SH3RF3: variants seen among roughly 807,000 people sequenced by gnomAD.
The protein encoded by SH3RF3 is E3 ubiquitin-protein ligase SH3RF3.
A neutral mutation model predicts 66.3 loss-of-function variants in SH3RF3; 29 were observed. That is an observed-to-expected ratio of 0.44 (90% CI 0.33 to 0.60). The LOEUF (loss-of-function observed/expected upper bound fraction) is 0.60. Ranked by LOEUF, SH3RF3 falls within the 20% of genes least tolerant of loss-of-function variation. SH3RF3 has a pLI of 0.04. For synonymous variants in SH3RF3, 583 were observed against 532.0 expected (o/e 1.10, Z -1.32); for missense variants, 1,194 against 1,190.9 (o/e 1.00, Z -0.04).
chr2:109,494,892 C>T (rs895247094), intron 9 of SH3RF3, among the ~76,000 whole-genome samples: 2 of 152,194 alleles, frequency 1.3e-5, no homozygotes, highest in African/African-American at 4.8e-5. Context: ...AGAGGAAGGA[C>T]ATTCAAGTAG....
intron 1 of SH3RF3, among the ~76,000 whole-genome samples, chr2:109,269,815 A>G (rs531424455): frequency 6.6e-6 from 1 of 152,180 alleles, no homozygotes; most frequent in Non-Finnish European, 1.5e-5. Flanking sequence ...ATACTTGTGC[A>G]TTTTAGGAAT....
intron 1 of SH3RF3, among the ~76,000 whole-genome samples, chr2:109,203,664 C>T (rs1328945573): frequency 6.6e-6 from 1 of 152,102 alleles, no homozygotes; most frequent in Non-Finnish European, 1.5e-5. Context: ...AGTGTCCTGG[C>T]CCTGTGTCTC....
At chr2:109,497,062 G>T (rs1679277430) in intron 9 of SH3RF3, among the ~76,000 whole-genome samples, 1 of 152,222 alleles carries the variant, frequency 6.6e-6, no homozygotes, top group Admixed American at 6.5e-5. Flanking sequence ...CCTTGCAGAT[G>T]CCTTGATTTT....
intron 1 of SH3RF3, among the ~76,000 whole-genome samples, chr2:109,277,044 A>AC (rs1431356541): frequency 1.3e-5 from 2 of 152,172 alleles, no homozygotes; most frequent in Non-Finnish European, 2.9e-5. Context: ...AATGGCAGGC[A>AC]CCATGCTCTG....
chr2:109,398,058 T>G (rs929125333), intron 3 of SH3RF3, among the ~76,000 whole-genome samples: 3 of 152,144 alleles, frequency 2.0e-5, no homozygotes, highest in Non-Finnish European at 4.4e-5. Context: ...GAAAAGAGCT[T>G]CTGTGGTTTA....
At chr2:109,268,363 T>C (rs1216303384) in intron 1 of SH3RF3, among the ~76,000 whole-genome samples, 2 of 151,878 alleles carry the variant, frequency 1.3e-5, no homozygotes, top group South Asian at 2.1e-4. Flanking sequence ...GGACCCTTAG[T>C]GGGGATGTCC....
chr2:109,435,981 C>A lies in SH3RF3; in HGVS notation c.1575-912C>A, dbSNP rs548059635. On this transcript the variant is annotated intron_variant, in intron 6 of 9. Coordinates refer to ENST00000309415, the MANE Select transcript of SH3RF3 (RefSeq NM_001099289.3). ...GGCCCCTCTCCTCTCAGCTGCTGTG[C>A]AGAAACCCTCACTCTGTGTTGCCGG... Among the ~76,000 whole-genome samples, 6 of 152,270 alleles carry A rather than the reference C, an allele frequency of 3.9e-5. No homozygotes were observed. The East Asian group carries it at 9.7e-4, about 25-fold the overall frequency.
chr2:109,465,359 G>T (rs1000568693), intron 8 of SH3RF3, among the ~76,000 whole-genome samples: 3 of 152,216 alleles, frequency 2.0e-5, no homozygotes, highest in African/African-American at 7.2e-5. Flanking sequence ...GTAAGAGTAT[G>T]TGCTGAGGTC....
intron 1 of SH3RF3, among the ~76,000 whole-genome samples, chr2:109,206,655 A>AT (rs1215392456): frequency 3.3e-5 from 5 of 151,880 alleles, no homozygotes; most frequent in African/African-American, 4.8e-5. Flanking sequence ...CAAAAAAAAA[A>AT]TTTTTTTTAA....
intron 1 of SH3RF3, among the ~76,000 whole-genome samples, chr2:109,146,079 G>A (rs1470714294): frequency 6.7e-6 from 1 of 149,450 alleles, no homozygotes; most frequent in Non-Finnish European, 1.5e-5. Context: ...AGTGCTGAGA[G>A]AGGTACCAGC....
intron 1 of SH3RF3, among the ~76,000 whole-genome samples, chr2:109,330,086 G>A (rs1362244616): frequency 6.6e-6 from 1 of 152,196 alleles, no homozygotes; most frequent in Non-Finnish European, 1.5e-5. Context: ...TTTAAAACAT[G>A]TAATGAAATA....
At chr2:109,248,420 G>A (rs1679972304) in intron 1 of SH3RF3, among the ~76,000 whole-genome samples, 1 of 152,052 alleles carries the variant, frequency 6.6e-6, no homozygotes, top group Non-Finnish European at 1.5e-5. Flanking sequence ...CCTTTTGGTA[G>A]GATAATTAAG....
intron 3 of SH3RF3, among the ~76,000 whole-genome samples, chr2:109,392,661 G>T (rs1291105122): frequency 6.6e-6 from 1 of 152,150 alleles, no homozygotes; most frequent in Non-Finnish European, 1.5e-5. Context: ...TGGGACTACA[G>T]GCGCCTGCCA....
rs1387741253 is a variant in SH3RF3 at position 109,436,879 on chromosome 2, C to T, written c.1575-14C>T. The T allele has an allele frequency of 5.0e-6, 8 of 1,610,418 alleles. No individual in the cohort carries two copies. The highest frequency in any genetic ancestry group is 1.7e-5 in the Admixed American group (1 of 59,878). Reference sequence around the variant, plus strand: ...GAGCCTCTCATCAGAATTCCTTCTGCTTTCTCTCCACAGGGTGCCTGCAGG... The same window carrying T: ...GAGCCTCTCATCAGAATTCCTTCTGTTTTCTCTCCACAGGGTGCCTGCAGG... On this transcript the variant is annotated splice_polypyrimidine_tract_variant and intron_variant, in intron 6 of 9. Transcript: ENST00000309415.
chr2:109,361,431 A>G (rs1683049326), intron 2 of SH3RF3, among the ~76,000 whole-genome samples: 1 of 152,160 alleles, frequency 6.6e-6, no homozygotes, highest in Non-Finnish European at 1.5e-5. Context: ...TAGTGAACCT[A>G]TCTGGTCCTG....
At chr2:109,164,982 T>G (rs1278722971) in intron 1 of SH3RF3, among the ~76,000 whole-genome samples, 3 of 152,202 alleles carry the variant, frequency 2.0e-5, no homozygotes, top group Non-Finnish European at 4.4e-5. Flanking sequence ...TAAAGCCTCT[T>G]CTTAGTCATC....
At chr2:109,290,034 G>GT (rs1681125892) in intron 1 of SH3RF3, among the ~76,000 whole-genome samples, 1 of 152,172 alleles carries the variant, frequency 6.6e-6, no homozygotes, top group African/African-American at 2.4e-5. Context: ...GATTCTATAG[G>GT]TACAGGGGGA....
rs565148041 is a variant in SH3RF3 at position 109,358,615 on chromosome 2, C to T, written c.849+10666C>T. On this transcript the variant is annotated intron_variant, in intron 2 of 9. Coordinates refer to ENST00000309415, the MANE Select transcript of SH3RF3 (RefSeq NM_001099289.3). ...TGTCTTCTTTGGTGAAGGTCTTTGA[C>T]TCACCATTCAATCAGACTGTTTTCT... Among the ~76,000 whole-genome samples the T allele has an allele frequency of 2.0e-5, 3 of 152,330 alleles. No individual in the cohort carries two copies. In the East Asian group the frequency reaches 5.8e-4, roughly 29 times the overall value.
At chr2:109,438,075 T>C (rs961079374) in intron 7 of SH3RF3, among the ~76,000 whole-genome samples, 3 of 152,356 alleles carry the variant, frequency 2.0e-5, no homozygotes, top group South Asian at 2.1e-4. Flanking sequence ...ATATACTATT[T>C]CTTAGACTAA....
Sources: gnomAD v4.1 joint callset for allele counts (sites outside exome capture counted in the v4.1 genomes callset) on GRCh38, gnomAD v4.1.1 for gene constraint, MANE v1.5 for transcripts, NCBI Gene and HGNC (gene_info 2026-07-23, HGNC 2026-07-21) for gene names.